Variants in QARS1 observed in about 807,000 individuals in gnomAD.
The protein encoded by QARS1 is glutamine--tRNA ligase.
In QARS1, 79 loss-of-function variants were observed where a neutral mutation model predicts 106.9. The ratio of observed to expected loss-of-function variants is 0.74; its 90% CI spans 0.62 to 0.89. The LOEUF is 0.89. QARS1 is among the 40% of genes least tolerant of loss of function. The pLI, the probability that QARS1 is intolerant of heterozygous loss-of-function variation, is 0.00. For missense variants in QARS1, 966 were observed against 997.2 expected (o/e 0.97, Z 0.42); for synonymous variants, 395 against 367.7 (o/e 1.07, Z -0.85).
chr3:49,101,961 G>T (rs983743400), intron 7 of QARS1, 62 bp from the exon 8 acceptor site: 32 of 1,522,066 alleles, frequency 2.1e-5, no homozygotes, highest in Non-Finnish European at 2.3e-5. Context: ...CCTACAGCCA[G>T]AACAGAACTG....
rs2042467038 is a variant in QARS1, at chr3:49,101,303, T to C, written c.876+52A>G. Reference sequence around the variant, plus strand: ...AAGGCAGGGATATGGTATCCACTCATGGGAACAGCAAGTGGTCATCTTGCT... The same window carrying C: ...AAGGCAGGGATATGGTATCCACTCACGGGAACAGCAAGTGGTCATCTTGCT... On this transcript the variant is annotated intron_variant, in intron 10 of 23. Transcript: ENST00000306125. 3 of 1,390,848 alleles carry C rather than the reference T, an allele frequency of 2.2e-6. No individual in the cohort carries two copies. The East Asian group carries it at 6.9e-5, about 32-fold the overall frequency. 86.2% of individuals were successfully genotyped at this position (1,390,848 alleles called of 1,614,324 possible).
chr3:49,098,988 G>A lies in QARS1; in HGVS notation c.1760C>T (p.Ser587Phe), dbSNP rs144563810. 162 of 1,613,562 alleles carry A rather than the reference G, an allele frequency of 1.0e-4. No homozygotes were observed. The African/African-American group carries it at 2.1e-3, about 21-fold the overall frequency. The change falls in exon 19 of 24, where the codon TCC becomes TTC. Residue 587 changes from serine (S) to phenylalanine (F), a missense_variant and splice_region_variant. Ser to Phe is a radical substitution (Grantham distance 155). Coordinates refer to ENST00000306125, the MANE Select transcript of QARS1 (RefSeq NM_005051.3). ...GAAGTTGGGCACCTGGATGTCCAAG[G>A]ACTATAGCAGGAGACAGGAGACAGG... is the stretch of plus-strand genomic sequence containing the variant. ...VIITNFPAAK[S>F]LDIQVPNFPA...
In QARS1 at chr3:49,100,603, C is replaced by G. The variant is rs749720721; in HGVS notation, c.948G>C (p.Thr316=). Residue 316 remains threonine (T), a synonymous_variant, in exon 11 of 24, where the codon ACG becomes ACC. Coordinates refer to ENST00000306125, the MANE Select transcript of QARS1 (RefSeq NM_005051.3). ...GCCAGGCTACCATGTCACAGATGGCCGTGAAGAACTTTGCTTCCTCCTTCT... is the reference window on the plus strand; with the variant it reads ...GCCAGGCTACCATGTCACAGATGGCGGTGAAGAACTTTGCTTCCTCCTTCT... ...NPEKEEAKFF[T]AICDMVAWLG... is the part of the protein sequence containing the mutation. 6 of 1,608,892 alleles carry G rather than the reference C, an allele frequency of 3.7e-6. No homozygotes were observed. In the South Asian group the frequency reaches 5.5e-5, roughly 15 times the overall value.
intron 5 of QARS1, 120 bp downstream of exon 5, chr3:49,103,225 T>C: frequency 2.8e-6 from 3 of 1,063,986 alleles, no homozygotes; most frequent in Non-Finnish European, 4.3e-6. Context: ...CCCAAAGTGC[T>C]GGGATCAGAA....
Position 49,099,441 on chromosome 3 carries a change from A to T in QARS1, c.1527-10T>A. On this transcript the variant is annotated splice_polypyrimidine_tract_variant and intron_variant, in intron 16 of 23. Coordinates refer to ENST00000306125, the MANE Select transcript of QARS1 (RefSeq NM_005051.3). ...TGGGTCATCCCAGTCCCTGTGGATAAGAAGGTGGTGAGAAGGCCTTTGGGA... is the reference window on the plus strand; with the variant it reads ...TGGGTCATCCCAGTCCCTGTGGATATGAAGGTGGTGAGAAGGCCTTTGGGA... 6.2e-7 allele frequency: 1 copy of T among 1,614,220 alleles called. No individual in the cohort carries two copies. The highest frequency in any genetic ancestry group is 8.5e-7 in the Non-Finnish European group (1 of 1,180,038).
Position 49,098,179 on chromosome 3 carries a change from C to T in QARS1, c.2151+13G>A, listed in dbSNP as rs1465310490. On this transcript the variant is annotated intron_variant, in intron 22 of 23. Transcript: ENST00000306125. ...GAGGCCTACCTCCCTCACCCCAAAC[C>T]TCATGAACCTACCAGGTTCAGGTCA... The T allele has an allele frequency of 6.2e-7, 1 of 1,614,176 alleles. No individual in the cohort carries two copies. The highest frequency in any genetic ancestry group is 8.5e-7 in the Non-Finnish European group (1 of 1,180,036).
chr3:49,096,974 G>T, intron 23 of QARS1: 1 of 147,064 alleles, frequency 6.8e-6, no homozygotes. Context: ...AACAGGGCGA[G>T]ATACTGTTTC....
chr3:49,097,937 G>C, intron 23 of QARS1, 55 bp downstream of exon 23: 1 of 1,608,248 alleles, frequency 6.2e-7, no homozygotes, highest in Non-Finnish European at 8.5e-7. Context: ...TTGGCACAAT[G>C]AACGGCAGCC....
In QARS1 at chr3:49,103,944, G is replaced by A; in HGVS notation, c.294C>T (p.Pro98=). The part of the protein sequence containing the change: ...SAALEYVRSH[P]LDPIDTVDFE... ...AGTCCACAGTGTCGATGGGGTCCAA[G>A]GGGTGACTCCGCACATACTCAAGGG... The change falls in exon 3 of 24, where the codon CCC becomes CCT. Residue 98 remains proline (P), a synonymous_variant. Coordinates refer to ENST00000306125, the MANE Select transcript of QARS1 (RefSeq NM_005051.3). The A allele has an allele frequency of 6.2e-7, 1 of 1,613,994 alleles. No individual in the cohort carries two copies. Among genetic ancestry groups the A allele is most frequent in the Non-Finnish European group, 8.5e-7 (1 of 1,180,014 alleles).
In QARS1 at chr3:49,103,705, A is replaced by G. The variant is rs749082327; in HGVS notation, c.377T>C (p.Val126Ala). Residue 126 changes from valine (V) to alanine (A), a missense_variant and splice_region_variant, in exon 4 of 24, where the codon GTG (valine) becomes GCG (alanine). Transcript: ENST00000306125. ...CCGGTGCCTGTTAATAGCAGCCTCC[A>G]CCTGCAGAAAGCCAAACCATGTGGT... ...IVTPEQIEEAVEAAINRHRPQ... is the reference protein window; with the variant it reads ...IVTPEQIEEAAEAAINRHRPQ... 6.2e-7 allele frequency: 1 copy of G among 1,613,462 alleles called. No individual in the cohort carries two copies. Among genetic ancestry groups the G allele is most frequent in the South Asian group, 1.1e-5 (1 of 90,972 alleles).
chr3:49,097,910 G>A (rs746924418), intron 23 of QARS1, 82 bp downstream of exon 23: 4 of 1,563,458 alleles, frequency 2.6e-6, no homozygotes, highest in Non-Finnish European at 3.5e-6. Flanking sequence ...TTAACTAAGG[G>A]AATGTATGCA....
chr3:49,101,228 T>C (rs1357219735), intron 10 of QARS1, 127 bp downstream of exon 10: 2 of 709,178 alleles, frequency 2.8e-6, no homozygotes, highest in Admixed American at 2.6e-5. Flanking sequence ...CACATGTGGT[T>C]CCTTTCCATG....
rs2042449355 is a variant in QARS1, at chr3:49,100,106, G to A, written c.1165-15C>T. On this transcript the variant is annotated splice_polypyrimidine_tract_variant and intron_variant, in intron 13 of 23. Transcript: ENST00000306125. The stretch of plus-strand genomic sequence containing the variant: ...TTGCGCATTGCCTGAGGGGAACAAG[G>A]ACTCAGGCTGTCTCTAAGCACAGGA... 6.2e-7 allele frequency: 1 copy of A among 1,614,222 alleles called. No homozygotes were observed. Among genetic ancestry groups the A allele is most frequent in the Non-Finnish European group, 8.5e-7 (1 of 1,180,042 alleles).
Position 49,103,641 on chromosome 3 carries a change from C to A in QARS1, c.441G>T (p.Gly147=), listed in dbSNP as rs1279997855. 6.2e-7 allele frequency: 1 copy of A among 1,613,628 alleles called. No individual in the cohort carries two copies. The highest frequency in any genetic ancestry group is 2.2e-5 in the East Asian group (1 of 44,850). The part of the protein sequence containing the change: ...LLVERYHFNM[G]LLMGEARAVL... ...CCAGGCCCTGCTCACCCATCAGCAG[C>A]CCCATGTTGAAATGGTAACGTTCCA... Residue 147 remains glycine, a synonymous_variant, in exon 4 of 24, where the codon GGG becomes GGT. Coordinates refer to ENST00000306125, the MANE Select transcript of QARS1 (RefSeq NM_005051.3).
chr3:49,099,203 G>A lies in QARS1; in HGVS notation c.1665C>T (p.Ala555=). The A allele has an allele frequency of 6.2e-7, 1 of 1,614,140 alleles. No homozygotes were observed. Among genetic ancestry groups the A allele is most frequent in the Non-Finnish European group, 8.5e-7 (1 of 1,180,010 alleles). Residue 555 remains alanine (A), a synonymous_variant, in exon 18 of 24, where the codon GCC becomes GCT. Coordinates refer to ENST00000306125, the MANE Select transcript of QARS1 (RefSeq NM_005051.3). ...QTTMEPHLLE[A]CVRDVLNDTA... is the part of the protein sequence containing the mutation. ...TGTCATTCAGCACATCACGCACACA[G>A]GCTTCTAGAAGATGTGGCTCCATTG...
At chr3:49,102,009 T>C in intron 7 of QARS1, 110 bp from the exon 8 acceptor site, 2 of 1,361,150 alleles carry the variant, frequency 1.5e-6, no homozygotes, top group Non-Finnish European at 2.0e-6. Context: ...AGACAAGATA[T>C]CTAGAGCCAG....
intron 4 of QARS1, 92 bp downstream of exon 4, chr3:49,103,539 C>T (rs1276299863): frequency 1.9e-6 from 3 of 1,559,330 alleles, no homozygotes; most frequent in Admixed American, 3.6e-5. Context: ...TTAAGTCACT[C>T]CTGTTCCTTC....
intron 23 of QARS1, among the ~76,000 whole-genome samples, chr3:49,096,794 G>A (rs539653745): frequency 0.039 from 593 of 15,204 alleles, 8 homozygotes; most frequent in African/African-American, 0.11. Flanking sequence ...GTGAGACTCC[G>A]TCTCAAAAAA....
Position 49,099,743 on chromosome 3 carries a change from T to C in QARS1, c.1388+18A>G, listed in dbSNP as rs774150476. The C allele has an allele frequency of 6.8e-6, 11 of 1,613,776 alleles. No homozygotes were observed. Among genetic ancestry groups the C allele is most frequent in the Non-Finnish European group, 9.3e-6 (11 of 1,179,798 alleles). ...GAATTCCACTGGCCCTACCACCCCA[T>C]GGACCCAGCTCCCTCACCGGGCCTG... On this transcript the variant is annotated intron_variant, in intron 15 of 23. Transcript: ENST00000306125.
Sources: allele counts gnomAD v4.1 joint callset (sites outside exome capture counted in the v4.1 genomes callset), GRCh38; gene constraint gnomAD v4.1.1; transcripts MANE v1.5; gene names NCBI Gene and HGNC (gene_info 2026-07-23, HGNC 2026-07-21).